Variants in ADAM18 observed in about 807,000 individuals in gnomAD.
ADAM18 encodes ADAM metallopeptidase domain 18, also known as disintegrin and metalloproteinase domain-containing protein 18.
ADAM18 carries 117 observed loss-of-function variants against 94.4 expected under a neutral mutation model. The ratio of observed to expected loss-of-function variants is 1.24; its 90% CI spans 1.07 to 1.45. The LOEUF (loss-of-function observed/expected upper bound fraction) is 1.45, where lower values mean the gene tolerates loss of function less well. Among genes scored for constraint, ADAM18 ranks in the 40% most tolerant of loss-of-function variants. The probability of loss-of-function intolerance (pLI) is 0.00; values close to 1 mark genes in which losing one functional copy is unlikely to be tolerated. For missense variants in ADAM18, 936 were observed against 880.0 expected (o/e 1.06, Z -0.81); for synonymous variants, 327 against 291.6 (o/e 1.12, Z -1.24).
intron 17 of ADAM18, among the ~76,000 whole-genome samples, chr8:39,698,878 C>T (rs1459666900): frequency 6.6e-6 from 1 of 151,962 alleles, no homozygotes; most frequent in African/African-American, 2.4e-5. Context: ...TAAAAAACTG[C>T]AGCATCTTTA....
At chr8:39,693,123 ATTGTCTATT>A (rs1821826584) in intron 17 of ADAM18, among the ~76,000 whole-genome samples, 2 of 151,530 alleles carry the variant, frequency 1.3e-5, no homozygotes, top group South Asian at 4.1e-4. Flanking sequence ...TTTCTTCTGA[ATTGTCTATT>A]TTAATCTGGT....
intron 7 of ADAM18, among the ~76,000 whole-genome samples, chr8:39,636,574 A>G (rs1397765750): frequency 6.6e-6 from 1 of 152,104 alleles, no homozygotes; most frequent in African/African-American, 2.4e-5. Flanking sequence ...TTAAAAGTAT[A>G]TATGTTTAAG....
At chr8:39,613,860 A>G (rs938041593) in intron 6 of ADAM18, among the ~76,000 whole-genome samples, 2 of 152,230 alleles carry the variant, frequency 1.3e-5, no homozygotes, top group Admixed American at 6.5e-5. Flanking sequence ...CAGAATAGAC[A>G]AAACTAAAGA....
intron 16 of ADAM18, among the ~76,000 whole-genome samples, chr8:39,691,227 T>C (rs1414817837): frequency 6.6e-6 from 1 of 152,180 alleles, no homozygotes; most frequent in African/African-American, 2.4e-5. Flanking sequence ...CATTTGTGTA[T>C]ATCAATTAAT....
intron 7 of ADAM18, among the ~76,000 whole-genome samples, chr8:39,631,894 G>A (rs1819940729): frequency 2.0e-5 from 3 of 151,794 alleles, no homozygotes; most frequent in Admixed American, 2.0e-4. Flanking sequence ...TAGTTTTATT[G>A]TTATGCATTT....
In ADAM18 at chr8:39,668,161, C is replaced by A. The variant is rs553132086; in HGVS notation, c.1490C>A (p.Thr497Asn). Residue 497 changes from threonine (T) to asparagine (N), a missense_variant, in exon 14 of 20, where the codon ACT becomes AAT. By Grantham distance (65) the Thr-to-Asn change is moderately conservative (BLOSUM62 0). Coordinates refer to ENST00000265707, the MANE Select transcript of ADAM18 (RefSeq NM_014237.3). ...TAYCYNGQCQ[T>N]TDNQCAKIFG... ...TATTGCTATAACGGACAATGTCAAA[C>A]TACTGATAACCAGTGTGCCAAGATA... 53 of 1,614,094 alleles carry A rather than the reference C, an allele frequency of 3.3e-5. 1 individual carries two copies. The African/African-American group carries it at 5.6e-4, about 17-fold the overall frequency.
chr8:39,722,566 A>G (rs1389010016), intron 18 of ADAM18, among the ~76,000 whole-genome samples: 2 of 151,404 alleles, frequency 1.3e-5, no homozygotes, highest in East Asian at 3.9e-4. Context: ...AAAATTACCT[A>G]TTGAATACAA....
At chr8:39,692,553 T>A (rs1821811279) in intron 16 of ADAM18, 47 bp from the exon 17 acceptor site, 2 of 1,235,414 alleles carry the variant, frequency 1.6e-6, no homozygotes, top group Non-Finnish European at 1.1e-6. Flanking sequence ...TTTTCTTGTT[T>A]TATATGACAT....
At chr8:39,606,770 G>A (rs1424420622) in intron 3 of ADAM18, among the ~76,000 whole-genome samples, 1 of 152,082 alleles carries the variant, frequency 6.6e-6, no homozygotes, top group Non-Finnish European at 1.5e-5. Context: ...GGCGGGCTGA[G>A]TCCGAACAGA....
intron 6 of ADAM18, among the ~76,000 whole-genome samples, chr8:39,619,437 A>T (rs1819541992): frequency 6.6e-6 from 1 of 152,230 alleles, no homozygotes; most frequent in Non-Finnish European, 1.5e-5. Context: ...AGTCTTAACA[A>T]AGTTTTTAAA....
intron 17 of ADAM18, among the ~76,000 whole-genome samples, chr8:39,705,599 A>T (rs541069087): frequency 6.6e-6 from 1 of 152,166 alleles, no homozygotes; most frequent in Non-Finnish European, 1.5e-5. Flanking sequence ...ATATTAAAAT[A>T]CTGTGCACTA....
chr8:39,648,303 T>C, intron 11 of ADAM18, 41 bp from the exon 12 acceptor site: 1 of 1,496,748 alleles, frequency 6.7e-7, no homozygotes, highest in Non-Finnish European at 8.9e-7. Flanking sequence ...GTGGTTTTAT[T>C]AGCCAGGCTT....
chr8:39,652,713 T>C (rs1359762877), intron 12 of ADAM18, among the ~76,000 whole-genome samples: 2 of 152,222 alleles, frequency 1.3e-5, no homozygotes, highest in Non-Finnish European at 2.9e-5. Flanking sequence ...AATAGCAGTA[T>C]GTTGAAGAGA....
intron 18 of ADAM18, among the ~76,000 whole-genome samples, chr8:39,722,215 G>GTATA: frequency 1.5e-5 from 1 of 68,082 alleles, no homozygotes; most frequent in South Asian, 5.0e-4. Context: ...GTGTGTGTGT[G>GTATA]TGTATATATA....
At chr8:39,686,080 G>T (rs1019908905) in intron 16 of ADAM18, among the ~76,000 whole-genome samples, 2 of 152,110 alleles carry the variant, frequency 1.3e-5, no homozygotes, top group South Asian at 4.1e-4. Context: ...TTTCTTCTGA[G>T]CCCTCACCAG....
At position 39,717,885 on chromosome 8, in the gene ADAM18, G is replaced by T. The variant is rs187174000; in HGVS notation, c.2018-5863G>T. ...TGACCTAATAGTGAAAACAAACAAAGAACAAAATACCTTATAACTTGTTTA... is the reference window on the plus strand; with the variant it reads ...TGACCTAATAGTGAAAACAAACAAATAACAAAATACCTTATAACTTGTTTA... On this transcript the variant is annotated intron_variant, in intron 18 of 19. Coordinates refer to ENST00000265707, the MANE Select transcript of ADAM18 (RefSeq NM_014237.3). Among the ~76,000 whole-genome samples the T allele has an allele frequency of 2.8e-3, 419 of 151,426 alleles. 2 individuals are homozygous for T. Among genetic ancestry groups the T allele is most frequent in the African/African-American group, 9.8e-3 (405 of 41,404 alleles).
chr8:39,584,574 G>C lies in ADAM18; in HGVS notation c.-49G>C, dbSNP rs373987253. The C allele has an allele frequency of 6.2e-7, 1 of 1,605,994 alleles. No homozygotes were observed. Among genetic ancestry groups the C allele is most frequent in the Non-Finnish European group, 8.5e-7 (1 of 1,177,718 alleles). On this transcript the variant is annotated 5_prime_UTR_variant, in exon 1 of 20. Transcript: ENST00000265707. Reference sequence around the variant, plus strand: ...AGAGCCTGCCCGCGAGCTCAACGCTGCTCAACGGTCTCTGTCCTTGGCTGT... The same window carrying C: ...AGAGCCTGCCCGCGAGCTCAACGCTCCTCAACGGTCTCTGTCCTTGGCTGT...
At chr8:39,594,392 A>G (rs1191848125) in intron 2 of ADAM18, among the ~76,000 whole-genome samples, 1 of 152,184 alleles carries the variant, frequency 6.6e-6, no homozygotes, top group Non-Finnish European at 1.5e-5. Flanking sequence ...GTAATTACCC[A>G]TACTTTCCCC....
At chr8:39,653,120 A>G (rs1295083580) in intron 12 of ADAM18, among the ~76,000 whole-genome samples, 2 of 152,124 alleles carry the variant, frequency 1.3e-5, no homozygotes, top group African/African-American at 2.4e-5. Flanking sequence ...GATGGATTGT[A>G]TACTTGAAAA....
Sources: gnomAD v4.1 joint callset for allele counts (sites outside exome capture counted in the v4.1 genomes callset) on GRCh38, gnomAD v4.1.1 for gene constraint, MANE v1.5 for transcripts, NCBI Gene and HGNC (gene_info 2026-07-23, HGNC 2026-07-21) for gene names.